LMNB1: variants seen among roughly 807,000 people sequenced by gnomAD.
LMNB1 encodes lamin B1, also known as lamin-B1.
Under a neutral mutation model 67.1 loss-of-function variants are expected in LMNB1, and 23 were observed. The observed-to-expected ratio is 0.34, with a 90% CI of 0.25 to 0.49. The LOEUF (loss-of-function observed/expected upper bound fraction) is 0.49. Ranked by LOEUF, LMNB1 falls within the 20% of genes least tolerant of loss-of-function variation. The pLI, the probability that LMNB1 is intolerant of heterozygous loss-of-function variation, is 0.99. For synonymous variants in LMNB1, 281 were observed against 282.9 expected (o/e 0.99, Z 0.07); for missense variants, 634 against 746.5 (o/e 0.85, Z 1.76).
At chr5:126,827,531 C>T (rs560828914) in intron 9 of LMNB1, among the ~76,000 whole-genome samples, 10 of 152,186 alleles carry the variant, frequency 6.6e-5, no homozygotes, top group African/African-American at 9.6e-5. Flanking sequence ...CATGGTGGCA[C>T]GTGCCTGTAG....
intron 1 of LMNB1, among the ~76,000 whole-genome samples, chr5:126,792,963 A>T (rs1751000888): frequency 6.6e-6 from 1 of 152,200 alleles, no homozygotes; most frequent in African/African-American, 2.4e-5. Context: ...AGCAATAATG[A>T]TGCTTAGAAC....
At chr5:126,795,933 C>CTTT (rs70997314) in intron 1 of LMNB1, among the ~76,000 whole-genome samples, 2,481 of 82,032 alleles carry the variant, frequency 0.03, 216 homozygotes, top group Middle Eastern at 0.14. Context: ...GCCCAGGATG[C>CTTT]TTTTTTTTTT....
Position 126,805,663 on chromosome 5 carries a change from G to A in LMNB1, c.609G>A (p.Glu203=). 2 of 1,612,216 alleles carry A rather than the reference G, an allele frequency of 1.2e-6. No homozygotes were observed. The highest frequency in any genetic ancestry group is 2.2e-5 in the East Asian group (1 of 44,834). ...DLENRCQSLT[E]DLEFRKSMYE... is the part of the protein sequence containing the mutation. ...AGAATCGTTGTCAGAGCCTTACTGA[G>A]GACTTGGAGTTTCGCAAAAGCATGT... Residue 203 remains glutamate (E), a synonymous_variant, in exon 3 of 11, where the codon GAG becomes GAA. Coordinates refer to ENST00000261366, the MANE Select transcript of LMNB1 (RefSeq NM_005573.4).
chr5:126,784,119 G>T (rs1580523342), intron 1 of LMNB1, among the ~76,000 whole-genome samples: 1 of 142,182 alleles, frequency 7.0e-6, no homozygotes, highest in Admixed American at 7.1e-5. Flanking sequence ...CCGCCTCCCG[G>T]GTTCAAGCAA....
At chr5:126,791,432 A>G (rs1750953617) in intron 1 of LMNB1, among the ~76,000 whole-genome samples, 1 of 151,844 alleles carries the variant, frequency 6.6e-6, no homozygotes, top group South Asian at 2.1e-4. Flanking sequence ...TTGCTATTGT[A>G]TTTTAAATTT....
At chr5:126,832,360 G>A (rs1189852132) in intron 9 of LMNB1, among the ~76,000 whole-genome samples, 1 of 151,896 alleles carries the variant, frequency 6.6e-6, no homozygotes, top group Non-Finnish European at 1.5e-5. Context: ...TGACACTGGA[G>A]TGCAGTGGCG....
chr5:126,787,042 A>G (rs1182743305), intron 1 of LMNB1, among the ~76,000 whole-genome samples: 1 of 152,172 alleles, frequency 6.6e-6, no homozygotes, highest in African/African-American at 2.4e-5. Context: ...TTTTTGTGGA[A>G]CAGGTACTAT....
At chr5:126,829,267 A>G (rs905160946) in intron 9 of LMNB1, among the ~76,000 whole-genome samples, 1 of 151,982 alleles carries the variant, frequency 6.6e-6, no homozygotes, top group Non-Finnish European at 1.5e-5. Flanking sequence ...AGTGGCTCAC[A>G]GCATGTCCCC....
intron 1 of LMNB1, among the ~76,000 whole-genome samples, chr5:126,787,491 A>ACATATACTTTAT: frequency 9.6e-6 from 1 of 103,766 alleles, no homozygotes; most frequent in Non-Finnish European, 2.2e-5. Flanking sequence ...TTATATATGA[A>ACATATACTTTAT]GTATATGTTA....
chr5:126,779,636 C>T (rs1750571366), intron 1 of LMNB1, among the ~76,000 whole-genome samples: 2 of 152,208 alleles, frequency 1.3e-5, no homozygotes, highest in Non-Finnish European at 2.9e-5. Flanking sequence ...TGGTGGCTCA[C>T]GCCTGTAATC....
chr5:126,826,681 C>T (rs1270762362), intron 9 of LMNB1, among the ~76,000 whole-genome samples: 1 of 152,108 alleles, frequency 6.6e-6, no homozygotes, highest in Non-Finnish European at 1.5e-5. Context: ...TGCATATACC[C>T]CTACCAATAC....
At chr5:126,788,203 C>G (rs1299943200) in intron 1 of LMNB1, among the ~76,000 whole-genome samples, 1 of 152,076 alleles carries the variant, frequency 6.6e-6, no homozygotes, top group Non-Finnish European at 1.5e-5. Context: ...TTGGAGGACC[C>G]TAAGTCAGTG....
At chr5:126,835,357 A>G (rs986782060) in intron 10 of LMNB1, among the ~76,000 whole-genome samples, 4 of 152,250 alleles carry the variant, frequency 2.6e-5, no homozygotes. Flanking sequence ...TTTTAGTTCA[A>G]TCAGTGGTGA....
rs778107036 is a variant in LMNB1, at chr5:126,820,908, A to C, written c.1161-2A>C. ...ATGAATTGTTTTATTTTTCCCATAT[A>C]GGTTGAAGCTGTCTCCAAGCCCTTC... On this transcript the variant is annotated splice_acceptor_variant, in intron 6 of 10. Transcript: ENST00000261366. LOFTEE classifies it high-confidence loss of function. 6.2e-7 allele frequency: 1 copy of C among 1,606,892 alleles called. No homozygotes were observed. Among genetic ancestry groups the C allele is most frequent in the Non-Finnish European group, 8.5e-7 (1 of 1,173,900 alleles).
At position 126,777,736 on chromosome 5, in the gene LMNB1, C is replaced by T. The variant is rs1750504065; in HGVS notation, c.228C>T (p.Thr76=). 1.9e-6 allele frequency: 3 copies of T among 1,540,052 alleles called. No individual in the cohort carries two copies. The highest frequency in any genetic ancestry group is 2.0e-5 in the Admixed American group (1 of 50,496). The change falls in exon 1 of 11, where the codon ACC becomes ACT. Residue 76 remains threonine, a synonymous_variant. Coordinates refer to ENST00000261366, the MANE Select transcript of LMNB1 (RefSeq NM_005573.4). Reference sequence around the variant, plus strand: ...AGGAGGTGCGCGGCCGTGAGCTCACCGGCCTCAAGGCGCTCTACGAGACCG... The same window carrying T: ...AGGAGGTGCGCGGCCGTGAGCTCACTGGCCTCAAGGCGCTCTACGAGACCG... The part of the protein sequence containing the change: ...EREEVRGREL[T]GLKALYETEL...
At chr5:126,800,982 A>ATATATATATATAATTTTTT in intron 1 of LMNB1, among the ~76,000 whole-genome samples, 1 of 18,632 alleles carries the variant, frequency 5.4e-5, no homozygotes, top group Non-Finnish European at 1.0e-4. Flanking sequence ...TATATATATA[A>ATATATATATATAATTTTTT]TTTTTTTTTT....
At chr5:126,781,146 G>A (rs142910873) in intron 1 of LMNB1, among the ~76,000 whole-genome samples, 7 of 152,202 alleles carry the variant, frequency 4.6e-5, no homozygotes, top group East Asian at 1.9e-4. Context: ...CAAATTAGCC[G>A]CGTGTGGTAG....
chr5:126,830,049 G>A (rs572463801), intron 9 of LMNB1, among the ~76,000 whole-genome samples: 1 of 152,348 alleles, frequency 6.6e-6, no homozygotes, highest in African/African-American at 2.4e-5. Context: ...ACTTATATAT[G>A]TAGAGATGCA....
intron 9 of LMNB1, 59 bp downstream of exon 9, chr5:126,826,166 A>G: frequency 6.5e-7 from 1 of 1,545,198 alleles, no homozygotes; most frequent in Non-Finnish European, 8.8e-7. Context: ...TCACTGTGCA[A>G]GTATAATCAA....
Sources: gnomAD v4.1 joint callset for allele counts (sites outside exome capture counted in the v4.1 genomes callset) on GRCh38, gnomAD v4.1.1 for gene constraint, MANE v1.5 for transcripts, NCBI Gene and HGNC (gene_info 2026-07-23, HGNC 2026-07-21) for gene names.